The following ARID5B variants were observed in gnomAD, a reference collection of about 807,000 sequenced individuals.
The protein encoded by ARID5B is AT-rich interaction domain 5B.
In ARID5B, 13 loss-of-function variants were observed where a neutral mutation model predicts 97.2. That is an observed-to-expected ratio of 0.13 (90% CI 0.09 to 0.21). The LOEUF is 0.21. ARID5B is among the 10% of genes least tolerant of loss of function. The probability of loss-of-function intolerance (pLI) is 1.00; values close to 1 mark genes in which losing one functional copy is unlikely to be tolerated. For missense variants in ARID5B, 1,210 were observed against 1,465.3 expected (o/e 0.83, Z 2.84); for synonymous variants, 556 against 570.3 (o/e 0.97, Z 0.36).
chr10:61,970,235 C>T (rs970860650), intron 3 of ARID5B, among the ~76,000 whole-genome samples: 4 of 152,162 alleles, frequency 2.6e-5, no homozygotes, highest in African/African-American at 4.8e-5. Context: ...AACAAGAATG[C>T]GAACAGAAAC....
chr10:61,953,993 T>C (rs1359646790), intron 3 of ARID5B, among the ~76,000 whole-genome samples: 1 of 152,202 alleles, frequency 6.6e-6, no homozygotes, highest in Non-Finnish European at 1.5e-5. Flanking sequence ...GACATTGAAA[T>C]TGATTGAGGG....
chr10:61,922,518 G>A (rs1252505686), intron 2 of ARID5B, among the ~76,000 whole-genome samples: 2 of 152,286 alleles, frequency 1.3e-5, no homozygotes, highest in South Asian at 2.1e-4. Context: ...CAGGAGAATC[G>A]CTTGAACCCG....
intron 4 of ARID5B, among the ~76,000 whole-genome samples, chr10:62,004,747 C>G (rs779332634): frequency 2.6e-5 from 4 of 152,198 alleles, no homozygotes; most frequent in Non-Finnish European, 5.9e-5. Context: ...ATGTCCACCA[C>G]TTTGTAATGC....
intron 4 of ARID5B, among the ~76,000 whole-genome samples, chr10:62,008,361 T>C (rs898822305): frequency 6.6e-6 from 1 of 152,224 alleles, no homozygotes; most frequent in Non-Finnish European, 1.5e-5. Context: ...TTTGCACCTT[T>C]ACATTAGGCT....
At chr10:62,017,062 G>A (rs1564628466) in intron 4 of ARID5B, among the ~76,000 whole-genome samples, 1 of 152,118 alleles carries the variant, frequency 6.6e-6, no homozygotes, top group Non-Finnish European at 1.5e-5. Flanking sequence ...ACAAAAACAG[G>A]ACACCACGTA....
At chr10:61,911,250 C>T (rs74156279) in intron 2 of ARID5B, among the ~76,000 whole-genome samples, 305 of 152,176 alleles carry the variant, frequency 2.0e-3, no homozygotes, top group African/African-American at 7.0e-3. Context: ...ATTAATTAGA[C>T]CATATTTTGT....
chr10:61,958,318 C>T (rs548264561), intron 3 of ARID5B, among the ~76,000 whole-genome samples: 2 of 152,204 alleles, frequency 1.3e-5, no homozygotes, highest in East Asian at 1.9e-4. Flanking sequence ...CAACCTCCGC[C>T]TCCCAGGTTC....
At chr10:61,978,200 T>A (rs1265036693) in intron 3 of ARID5B, among the ~76,000 whole-genome samples, 1 of 152,208 alleles carries the variant, frequency 6.6e-6, no homozygotes, top group Non-Finnish European at 1.5e-5. Flanking sequence ...GAGGGCTCTG[T>A]TCGGTTCCAT....
At chr10:61,920,335 T>C (rs866471530) in intron 2 of ARID5B, among the ~76,000 whole-genome samples, 1 of 151,608 alleles carries the variant, frequency 6.6e-6, no homozygotes, top group Non-Finnish European at 1.5e-5. Context: ...CTTTGTTTTT[T>C]TTTTTTTTTT....
intron 4 of ARID5B, among the ~76,000 whole-genome samples, chr10:62,020,803 A>G (rs1266054273): frequency 6.6e-6 from 1 of 152,010 alleles, no homozygotes; most frequent in Non-Finnish European, 1.5e-5. Context: ...TAATGGGTGA[A>G]TATTACGAAC....
At chr10:62,012,295 C>A (rs1029947789) in intron 4 of ARID5B, among the ~76,000 whole-genome samples, 2 of 152,124 alleles carry the variant, frequency 1.3e-5, no homozygotes, top group Non-Finnish European at 2.9e-5. Flanking sequence ...CCGAAGTGGG[C>A]AGATCCCTTG....
chr10:61,987,126 C>T (rs547196038), intron 3 of ARID5B, among the ~76,000 whole-genome samples: 2 of 152,070 alleles, frequency 1.3e-5, no homozygotes, highest in South Asian at 4.1e-4. Context: ...AGAAATATGA[C>T]AACTTCTCAC....
chr10:62,059,211 G>A (rs995162485), intron 6 of ARID5B, 32 bp from the exon 7 acceptor site: 6 of 1,552,344 alleles, frequency 3.9e-6, no homozygotes, highest in Non-Finnish European at 5.3e-6. Context: ...TTAATGCAAT[G>A]CTTATCTAAA....
At chr10:61,943,475 C>CT (rs1317338906) in intron 3 of ARID5B, among the ~76,000 whole-genome samples, 1 of 149,394 alleles carries the variant, frequency 6.7e-6, no homozygotes, top group African/African-American at 2.5e-5. Context: ...TTGAGGCCCC[C>CT]CCCCTTTTTT....
At chr10:61,908,985 G>T (rs147382490) in intron 2 of ARID5B, among the ~76,000 whole-genome samples, 1 of 151,924 alleles carries the variant, frequency 6.6e-6, no homozygotes, top group African/African-American at 2.4e-5. Flanking sequence ...TAATCTTTCC[G>T]GAAATTAGAA....
At chr10:62,071,567 A>AAG (rs3050506) in intron 8 of ARID5B, among the ~76,000 whole-genome samples, 5 of 146,836 alleles carry the variant, frequency 3.4e-5, no homozygotes, top group South Asian at 2.2e-4. Flanking sequence ...AAAAAAAAAA[A>AAG]AGAGAGAAGG....
intron 2 of ARID5B, among the ~76,000 whole-genome samples, chr10:61,928,290 A>C (rs1844142964): frequency 6.6e-6 from 1 of 151,796 alleles, no homozygotes; most frequent in South Asian, 2.1e-4. Flanking sequence ...CCTCCCCTTG[A>C]ATTATTATTA....
At chr10:62,028,785 A>G (rs948199122) in intron 4 of ARID5B, among the ~76,000 whole-genome samples, 8 of 152,178 alleles carry the variant, frequency 5.3e-5, no homozygotes, top group Middle Eastern at 3.4e-3. Flanking sequence ...ACATGGCGAA[A>G]TCCTGTCTCT....
chr10:61,965,521 A>G (rs146184754), intron 3 of ARID5B, among the ~76,000 whole-genome samples: 43 of 152,282 alleles, frequency 2.8e-4, no homozygotes, highest in African/African-American at 1.0e-3. Flanking sequence ...TGTCATGTAG[A>G]TGAGTTAGTA....
Sources: gnomAD v4.1 joint callset for allele counts (sites outside exome capture counted in the v4.1 genomes callset) on GRCh38, gnomAD v4.1.1 for gene constraint, MANE v1.5 for transcripts, NCBI Gene and HGNC (gene_info 2026-07-23, HGNC 2026-07-21) for gene names.